Variants in DIAPH3 observed in about 807,000 individuals in gnomAD.
The protein encoded by DIAPH3 is protein diaphanous homolog 3.
In DIAPH3, 117 loss-of-function variants were observed where a neutral mutation model predicts 144.3. The ratio of observed to expected loss-of-function variants is 0.81; its 90% confidence interval spans 0.70 to 0.95. The LOEUF is 0.95. Ranked by LOEUF, DIAPH3 falls within the 40% of genes least tolerant of loss-of-function variation. DIAPH3 has a pLI of 0.00. For missense variants in DIAPH3, 1,421 were observed against 1,412.7 expected (o/e 1.01, Z -0.09); for synonymous variants, 519 against 488.9 (o/e 1.06, Z -0.81).
At chr13:59,764,094 A>G (rs968380166) in intron 27 of DIAPH3, among the ~76,000 whole-genome samples, 4 of 151,822 alleles carry the variant, frequency 2.6e-5, no homozygotes, top group African/African-American at 9.7e-5. Flanking sequence ...GGCTTTTTCA[A>G]TTCATTTCCA....
intron 24 of DIAPH3, among the ~76,000 whole-genome samples, chr13:59,822,335 C>T (rs1161351057): frequency 2.0e-5 from 3 of 152,146 alleles, no homozygotes; most frequent in Non-Finnish European, 4.4e-5. Context: ...TAAAGGTAGG[C>T]TTGCTGATAA....
chr13:59,901,514 C>T (rs1471545044), intron 20 of DIAPH3, among the ~76,000 whole-genome samples: 1 of 152,200 alleles, frequency 6.6e-6, no homozygotes, highest in Non-Finnish European at 1.5e-5. Flanking sequence ...ACTCATCCTA[C>T]CACTTCCTGC....
chr13:59,910,684 G>A (rs1830898666), intron 20 of DIAPH3, among the ~76,000 whole-genome samples: 1 of 150,256 alleles, frequency 6.7e-6, no homozygotes. Context: ...AGTCGAGATT[G>A]CACCACTTGC....
chr13:59,907,663 A>T (rs931448579), intron 20 of DIAPH3, among the ~76,000 whole-genome samples: 3 of 152,202 alleles, frequency 2.0e-5, no homozygotes, highest in African/African-American at 7.2e-5. Context: ...ACACCTTGAG[A>T]GCTATCCTGA....
chr13:59,736,424 T>C (rs2036155838), intron 27 of DIAPH3, among the ~76,000 whole-genome samples: 1 of 152,206 alleles, frequency 6.6e-6, no homozygotes, highest in African/African-American at 2.4e-5. Context: ...AGTGTTCCTT[T>C]TTCTCCACAA....
chr13:60,106,218 G>T (rs948879100), intron 3 of DIAPH3, among the ~76,000 whole-genome samples: 1 of 152,014 alleles, frequency 6.6e-6, no homozygotes, highest in Non-Finnish European at 1.5e-5. Flanking sequence ...GACAACAGAC[G>T]TAAATGCAGA....
At chr13:59,783,573 T>C (rs2139348096) in intron 25 of DIAPH3, among the ~76,000 whole-genome samples, 1 of 152,300 alleles carries the variant, frequency 6.6e-6, no homozygotes, top group South Asian at 2.1e-4. Context: ...AGTACAAGCA[T>C]AGTAAAGTGG....
At chr13:59,686,029 CTG>C (rs1412747186) in intron 27 of DIAPH3, among the ~76,000 whole-genome samples, 1 of 152,082 alleles carries the variant, frequency 6.6e-6, no homozygotes, top group Non-Finnish European at 1.5e-5. Context: ...GCATGTGACT[CTG>C]TGTATTTAGA....
At chr13:59,987,875 A>G (rs938624900) in intron 12 of DIAPH3, among the ~76,000 whole-genome samples, 1 of 151,864 alleles carries the variant, frequency 6.6e-6, no homozygotes, top group Admixed American at 6.6e-5. Flanking sequence ...TATAAGCAAA[A>G]CCAAACTAAA....
intron 27 of DIAPH3, among the ~76,000 whole-genome samples, chr13:59,752,737 T>A (rs2139127893): frequency 6.6e-6 from 1 of 152,270 alleles, no homozygotes; most frequent in Non-Finnish European, 1.5e-5. Flanking sequence ...ATGGGAAAGG[T>A]CTAAACAAAA....
chr13:59,716,980 AC>A (rs1287461700), intron 27 of DIAPH3, among the ~76,000 whole-genome samples: 1 of 152,190 alleles, frequency 6.6e-6, no homozygotes, highest in African/African-American at 2.4e-5. Context: ...AAAAAATCTC[AC>A]TTAATTTTTT....
chr13:60,037,671 G>A (rs117984501), intron 5 of DIAPH3, among the ~76,000 whole-genome samples: 2,391 of 152,046 alleles, frequency 0.016, 66 homozygotes, highest in East Asian at 0.1. Flanking sequence ...AAGAAATGAG[G>A]AGGAGCAGGA....
intron 20 of DIAPH3, among the ~76,000 whole-genome samples, chr13:59,893,488 G>A (rs1443362513): frequency 1.3e-5 from 2 of 152,104 alleles, no homozygotes; most frequent in Non-Finnish European, 1.5e-5. Context: ...CAGAGTAAAA[G>A]GGAAAGCTGG....
chr13:59,752,018 C>T (rs910932561), intron 27 of DIAPH3, among the ~76,000 whole-genome samples: 4 of 152,318 alleles, frequency 2.6e-5, no homozygotes, highest in Non-Finnish European at 5.9e-5. Context: ...CAGGTATAAC[C>T]TGGCAGATGA....
intron 21 of DIAPH3, among the ~76,000 whole-genome samples, chr13:59,864,834 C>T (rs1188998284): frequency 6.6e-6 from 1 of 151,798 alleles, no homozygotes; most frequent in Non-Finnish European, 1.5e-5. Flanking sequence ...ATAATGGGAA[C>T]AATCTAGTAT....
Position 60,132,992 on chromosome 13 carries a change from G to A in DIAPH3, c.181-3C>T. On this transcript the variant is annotated splice_polypyrimidine_tract_variant and splice_region_variant and intron_variant, in intron 1 of 27. Transcript: ENST00000400324. ...GTCAGTGTCCTAATATTTAAATGCT[G>A]CAAATTAAAAAAAAGCAATCATATT... The A allele has an allele frequency of 6.2e-7, 1 of 1,601,168 alleles. No homozygotes were observed. The highest frequency in any genetic ancestry group is 8.5e-7 in the Non-Finnish European group (1 of 1,170,642).
intron 17 of DIAPH3, among the ~76,000 whole-genome samples, chr13:59,967,188 TCCGGA>T (rs2050102741): frequency 6.6e-6 from 1 of 151,982 alleles, no homozygotes; most frequent in Non-Finnish European, 1.5e-5. Flanking sequence ...TGCCTCAGCC[TCCGGA>T]GTAGCTGGGA....
At chr13:59,807,303 G>A (rs542052093) in intron 25 of DIAPH3, among the ~76,000 whole-genome samples, 1 of 151,612 alleles carries the variant, frequency 6.6e-6, no homozygotes. Flanking sequence ...TGAAATTTGG[G>A]CTATTATCCC....
chr13:60,113,496 T>C (rs536742104), intron 2 of DIAPH3, among the ~76,000 whole-genome samples: 1 of 152,344 alleles, frequency 6.6e-6, no homozygotes, highest in South Asian at 2.1e-4. Context: ...TACTATGTAC[T>C]GCACTCACCC....
Sources: gnomAD v4.1 joint callset for allele counts (sites outside exome capture counted in the v4.1 genomes callset) on GRCh38, gnomAD v4.1.1 for gene constraint, MANE v1.5 for transcripts, NCBI Gene and HGNC (gene_info 2026-07-23, HGNC 2026-07-21) for gene names.